The following ZC3H14 variants were observed in gnomAD, a reference collection of about 807,000 sequenced individuals.
ZC3H14 encodes the protein zinc finger CCCH domain-containing protein 14.
Under a neutral mutation model 92.4 loss-of-function variants are expected in ZC3H14, and 31 were observed. The ratio of observed to expected loss-of-function variants is 0.34; its 90% CI spans 0.25 to 0.45. The LOEUF is 0.45. Among genes scored for constraint, ZC3H14 ranks in the 20% least tolerant of loss-of-function variants. The probability of loss-of-function intolerance (pLI) is 1.00; values close to 1 mark genes in which losing one functional copy is unlikely to be tolerated. For synonymous variants in ZC3H14, 321 were observed against 300.9 expected (o/e 1.07, Z -0.69); for missense variants, 781 against 897.3 (o/e 0.87, Z 1.66).
rs752938238 is a variant in ZC3H14 at position 88,574,889 on chromosome 14, G to A, written c.1022+36G>A. ...CATGGCTGTAAATTAATCTTTAACT[G>A]CCTTGGTGGAGTCTTCCTGATTTAT... On this transcript the variant is annotated intron_variant, in intron 7 of 16. Transcript: ENST00000251038. The A allele has an allele frequency of 9.9e-6, 16 of 1,613,698 alleles. No homozygotes were observed. In the South Asian group the frequency reaches 1.1e-4, roughly 11 times the overall value.
rs2089859618 is a variant in ZC3H14, at chr14:88,625,834, C to A, written c.*14083C>A. On this transcript the variant is annotated 3_prime_UTR_variant, in exon 17 of 17. Coordinates refer to ENST00000251038, the MANE Select transcript of ZC3H14 (RefSeq NM_024824.5). ...GTACTTAAATATTCTAAAATTATAA[C>A]TTTTCCTATAAGTATTGCATAATCA... 6.6e-6 allele frequency: 1 copy of A among 152,214 alleles called. No homozygotes were observed. The allele number at this position is 152,214 out of a possible 1,614,324, so 9.4% of individuals were successfully genotyped here. A position where few individuals can be genotyped will look rare whatever the true frequency, so the allele number is the denominator to read the frequency against.
chr14:88,580,053 C>T (rs918100232), intron 9 of ZC3H14, among the ~76,000 whole-genome samples: 1 of 152,058 alleles, frequency 6.6e-6, no homozygotes, highest in South Asian at 2.1e-4. Context: ...AAAATATTAG[C>T]TGGGCAAGGT....
chr14:88,596,867 T>G, intron 10 of ZC3H14, 59 bp downstream of exon 10: 1 of 1,364,026 alleles, frequency 7.3e-7, no homozygotes. Context: ...TTTCCATTTC[T>G]TACACCCCAT....
At chr14:88,576,067 C>A in intron 8 of ZC3H14, 127 bp downstream of exon 8, 1 of 811,274 alleles carries the variant, frequency 1.2e-6, no homozygotes. Flanking sequence ...AGATGAGGTT[C>A]CCATATAGAA....
chr14:88,563,538 C>T, intron 1 of ZC3H14, 113 bp from the exon 2 acceptor site: 1 of 1,577,306 alleles, frequency 6.3e-7, no homozygotes, highest in Non-Finnish European at 8.7e-7. Context: ...CCAGCCCCCG[C>T]CCGGGGGATC....
rs2089518163 is a variant in ZC3H14 at position 88,624,036 on chromosome 14, A to C, written c.*12285A>C. The stretch of plus-strand genomic sequence containing the variant: ...TGTGGGTTCTTTCAATCCTGTATTG[A>C]AATGTACTTCTTAGTCAACTATATG... On this transcript the variant is annotated 3_prime_UTR_variant, in exon 17 of 17. Coordinates refer to ENST00000251038, the MANE Select transcript of ZC3H14 (RefSeq NM_024824.5). 1 of 152,154 alleles carries C rather than the reference A, an allele frequency of 6.6e-6. No individual in the cohort carries two copies. The highest frequency in any genetic ancestry group is 1.5e-5 in the Non-Finnish European group (1 of 68,038). 9.4% of individuals were successfully genotyped at this position (152,154 alleles called of 1,614,324 possible). A position where few individuals can be genotyped will look rare whatever the true frequency, so the allele number is the denominator to read the frequency against.
intron 9 of ZC3H14, among the ~76,000 whole-genome samples, chr14:88,583,291 G>A (rs1264298335): frequency 6.6e-6 from 1 of 151,696 alleles, no homozygotes; most frequent in African/African-American, 2.4e-5. Flanking sequence ...TAATGTTTAA[G>A]TTTTTTTGTA....
intron 9 of ZC3H14, among the ~76,000 whole-genome samples, chr14:88,578,547 C>G (rs1026347569): frequency 6.6e-6 from 1 of 152,118 alleles, no homozygotes; most frequent in Non-Finnish European, 1.5e-5. Context: ...AGTCATTAAG[C>G]CTTAGTTATT....
Position 88,572,829 on chromosome 14 carries a change from A to T in ZC3H14, c.683A>T (p.His228Leu). ...PASRNADSGV[H>L]LNRLQFQQQQ... is the part of the protein sequence containing the mutation. ...AGTAGAAATGCAGATAGTGGTGTTC[A>T]TTTAAACAGGTTGCAATTTCAACAG... Residue 228 changes from histidine to leucine, a missense_variant, in exon 6 of 17, where the codon CAT (histidine) becomes CTT (leucine). Around this residue, in one of 3 missense-constraint regions of ZC3H14, gnomAD observed 454 missense variants for 438.5 expected, o/e 1.04. Coordinates refer to ENST00000251038, the MANE Select transcript of ZC3H14 (RefSeq NM_024824.5). 1 of 1,614,190 alleles carries T rather than the reference A, an allele frequency of 6.2e-7. No homozygotes were observed. Among genetic ancestry groups the T allele is most frequent in the Non-Finnish European group, 8.5e-7 (1 of 1,180,028 alleles).
At chr14:88,608,278 G>C (rs988811289) in intron 13 of ZC3H14, 4 of 467,190 alleles carry the variant, frequency 8.6e-6, no homozygotes, top group Non-Finnish European at 1.7e-5. Context: ...CACCCTGCAA[G>C]TGAATACCAT....
At position 88,618,377 on chromosome 14, in the gene ZC3H14, G is replaced by C. The variant is rs573552795; in HGVS notation, c.*6626G>C. The C allele has an allele frequency of 3.9e-6, 6 of 1,535,274 alleles. No individual in the cohort carries two copies. The East Asian group carries it at 1.4e-4, about 35-fold the overall frequency. On this transcript the variant is annotated 3_prime_UTR_variant, in exon 17 of 17. Transcript: ENST00000251038. ...GGGACAAGAATTCCATTAGGTGAGA[G>C]ACAAAATCCACAGGGGGTTTACAGA...
intron 1 of ZC3H14, 151 bp from the exon 2 acceptor site, chr14:88,563,500 G>T: frequency 6.6e-7 from 1 of 1,506,782 alleles, no homozygotes; most frequent in Non-Finnish European, 8.9e-7. Context: ...GGGGTGCGGG[G>T]TGGGGGGCGG....
Position 88,611,769 on chromosome 14 carries a change from C to G in ZC3H14, c.*18C>G. The stretch of plus-strand genomic sequence containing the variant: ...GCGAATAGCACCCAGTCCTGCCTGG[C>G]AGAAGATCATGCAGTTTGGAAGTTT... On this transcript the variant is annotated 3_prime_UTR_variant, in exon 17 of 17. Transcript: ENST00000251038. 1.2e-6 allele frequency: 2 copies of G among 1,613,972 alleles called. No homozygotes were observed. The highest frequency in any genetic ancestry group is 2.2e-5 in the South Asian group (2 of 91,074).
At chr14:88,582,991 T>C (rs1368972904) in intron 9 of ZC3H14, among the ~76,000 whole-genome samples, 1 of 152,144 alleles carries the variant, frequency 6.6e-6, no homozygotes, top group Non-Finnish European at 1.5e-5. Flanking sequence ...TGTGTACTTT[T>C]TGCTTTTTGT....
chr14:88,568,727 G>C (rs2080011297), intron 3 of ZC3H14, among the ~76,000 whole-genome samples: 2 of 152,154 alleles, frequency 1.3e-5, no homozygotes, highest in African/African-American at 2.4e-5. Context: ...GGTTTCTCTA[G>C]CTATAAAATG....
rs770431990 is a variant in ZC3H14, at chr14:88,615,680, A to C, written c.*3929A>C. ...AATATTTTGAACAGATCAGTCTTTCACTATTTTGATGATTCTGGGCATTTC... is the reference window on the plus strand; with the variant it reads ...AATATTTTGAACAGATCAGTCTTTCCCTATTTTGATGATTCTGGGCATTTC... On this transcript the variant is annotated 3_prime_UTR_variant, in exon 17 of 17. Transcript: ENST00000251038. 13 of 743,772 alleles carry C rather than the reference A, an allele frequency of 1.7e-5. No homozygotes were observed. The highest frequency in any genetic ancestry group is 2.9e-5 in the Admixed American group (1 of 34,684). The allele number at this position is 743,772 out of a possible 1,614,324, so 46.1% of individuals were successfully genotyped here.
At position 88,617,997 on chromosome 14, in the gene ZC3H14, A is replaced by C. The variant is rs566184672; in HGVS notation, c.*6246A>C. 1.2e-4 allele frequency: 31 copies of C among 264,122 alleles called. No homozygotes were observed. The highest frequency in any genetic ancestry group is 1.7e-4 in the African/African-American group (4 of 23,084). 16.4% of individuals were successfully genotyped at this position (264,122 alleles called of 1,614,324 possible). On this transcript the variant is annotated 3_prime_UTR_variant, in exon 17 of 17. Coordinates refer to ENST00000251038, the MANE Select transcript of ZC3H14 (RefSeq NM_024824.5). The stretch of plus-strand genomic sequence containing the variant: ...AATATCAGGGTATCTTTAAAGTTAA[A>C]ACTTTGATTTCCTTAAAAAAAAAAC...
rs2089507422 is a variant in ZC3H14 at position 88,623,961 on chromosome 14, C to T, written c.*12210C>T. 1 of 152,224 alleles carries T rather than the reference C, an allele frequency of 6.6e-6. No homozygotes were observed. The highest frequency in any genetic ancestry group is 1.5e-5 in the Non-Finnish European group (1 of 68,036). 9.4% of individuals were successfully genotyped at this position (152,224 alleles called of 1,614,324 possible). A position where few individuals can be genotyped will look rare whatever the true frequency, so the allele number is the denominator to read the frequency against. On this transcript the variant is annotated 3_prime_UTR_variant, in exon 17 of 17. Transcript: ENST00000251038. Reference sequence around the variant, plus strand: ...GTCTGAAAGCATGCCTATGTGCATTCTTCCTTTATGTAAAAGGCACAAATT... The same window carrying T: ...GTCTGAAAGCATGCCTATGTGCATTTTTCCTTTATGTAAAAGGCACAAATT...
chr14:88,611,884 A>ATCTG lies in ZC3H14; in HGVS notation c.*136_*137insGTCT. 8.0e-7 allele frequency: 1 copy of ATCTG among 1,250,514 alleles called. No individual in the cohort carries two copies. The highest frequency in any genetic ancestry group is 2.0e-5 in the Admixed American group (1 of 50,950). 77.5% of individuals were successfully genotyped at this position (1,250,514 alleles called of 1,614,324 possible). A position where few individuals can be genotyped will look rare whatever the true frequency, so the allele number is the denominator to read the frequency against. On this transcript the variant is annotated 3_prime_UTR_variant, in exon 17 of 17. Coordinates refer to ENST00000251038, the MANE Select transcript of ZC3H14 (RefSeq NM_024824.5). The stretch of plus-strand genomic sequence containing the variant: ...TTCATAATATGAAGTTTTATTGCCT[A>ATCTG]TCTATCTGAAGTGTCTAATTTTTCA...
Sources: gnomAD v4.1 joint callset for allele counts (sites outside exome capture counted in the v4.1 genomes callset) on GRCh38, gnomAD v4.1.1 for gene constraint, gnomAD v4.1.1 regional missense constraint, MANE v1.5 for transcripts, NCBI Gene and HGNC (gene_info 2026-07-23, HGNC 2026-07-21) for gene names.